SRGAP3: variants seen among roughly 807,000 people sequenced by gnomAD.
SRGAP3 encodes the protein SLIT-ROBO Rho GTPase-activating protein 3.
Under a neutral mutation model 121.1 loss-of-function variants are expected in SRGAP3, and 39 were observed. That is an observed-to-expected ratio of 0.32 (90% CI 0.25 to 0.42). The LOEUF is 0.42. Among genes scored for constraint, SRGAP3 ranks in the 10% least tolerant of loss-of-function variants. The probability of loss-of-function intolerance (pLI) is 1.00; values close to 1 mark genes in which losing one functional copy is unlikely to be tolerated. For missense variants in SRGAP3, 1,213 were observed against 1,470.6 expected (o/e 0.82, Z 2.86); for synonymous variants, 601 against 570.0 (o/e 1.05, Z -0.77).
chr3:9,049,414 T>C lies in SRGAP3; in HGVS notation c.1324-1939A>G, dbSNP rs1166906665. ...ACTTGACAGTTTTCACACACGTACGTTTAAGCCTCATCAGAGTCTTGGATG... is the reference window on the plus strand; with the variant it reads ...ACTTGACAGTTTTCACACACGTACGCTTAAGCCTCATCAGAGTCTTGGATG... On this transcript the variant is annotated intron_variant, in intron 9 of 21. Coordinates refer to ENST00000383836, the MANE Select transcript of SRGAP3 (RefSeq NM_014850.4). The C allele has an allele frequency of 2.2e-5, 10 of 455,990 alleles. 1 individual carries two copies. The Admixed American group carries it at 2.3e-4, about 11-fold the overall frequency. 28.2% of individuals were successfully genotyped at this position (455,990 alleles called of 1,614,324 possible).
At position 9,318,661 on chromosome 3, in the gene SRGAP3, C is replaced by T. The variant is rs535208405; in HGVS notation, n.442+7349G>A. ...AGGCTGAGGCAGAGGATCACTTGAG[C>T]CCAGGAGTTTAAGACAAGCCTCAGT... On this transcript the variant is annotated intron_variant and non_coding_transcript_variant, in intron 3 of 3. Coordinates refer to the SRGAP3 transcript ENST00000490889. Among the ~76,000 whole-genome samples the T allele has an allele frequency of 8.8e-4, 133 of 151,114 alleles. 2 individuals are homozygous for T. The highest frequency in any genetic ancestry group is 1.7e-3 in the Non-Finnish European group (113 of 67,764).
At chr3:9,028,043 C>T in intron 12 of SRGAP3, 2 of 1,605,656 alleles carry the variant, frequency 1.2e-6, no homozygotes, top group Non-Finnish European at 1.7e-6. Context: ...TGGAAGTCAG[C>T]ACTAAAGACA....
At chr3:9,031,170 C>T (rs1019444279) in intron 12 of SRGAP3, among the ~76,000 whole-genome samples, 1 of 152,174 alleles carries the variant, frequency 6.6e-6, no homozygotes, top group Non-Finnish European at 1.5e-5. Context: ...TCACCTTCCA[C>T]TTTCTGCCTT....
intron 3 of SRGAP3, among the ~76,000 whole-genome samples, chr3:9,299,880 G>GGT (rs1955020837): frequency 6.6e-6 from 1 of 152,012 alleles, no homozygotes; most frequent in Non-Finnish European, 1.5e-5. Context: ...ACTCTAGCCT[G>GGT]GGCGACAGAG....
intron 14 of SRGAP3, among the ~76,000 whole-genome samples, chr3:9,024,903 C>G (rs487269): frequency 0.94 from 142,911 of 152,318 alleles, 67,162 homozygotes; most frequent in East Asian, 1. Flanking sequence ...CCTGGAGAAA[C>G]CACCCAAAAG....
At chr3:9,339,910 G>A (rs1178020733) in intron 1 of SRGAP3, among the ~76,000 whole-genome samples, 1 of 152,150 alleles carries the variant, frequency 6.6e-6, no homozygotes, top group African/African-American at 2.4e-5. Flanking sequence ...CTCTCTTCAT[G>A]CTCTGCTGAA....
chr3:9,131,869 C>T (rs561204810), intron 1 of SRGAP3, among the ~76,000 whole-genome samples: 1 of 152,232 alleles, frequency 6.6e-6, no homozygotes, highest in South Asian at 2.1e-4. Flanking sequence ...CATTCAAAGT[C>T]CAAGAATGCA....
chr3:9,266,873 G>A (rs143878960), intron 3 of SRGAP3, among the ~76,000 whole-genome samples: 12 of 152,170 alleles, frequency 7.9e-5, no homozygotes, highest in Non-Finnish European at 1.0e-4. Context: ...GTGGAAGTGA[G>A]TGGCTTGGCC....
At chr3:9,160,001 A>G (rs1950554945) in intron 1 of SRGAP3, among the ~76,000 whole-genome samples, 1 of 152,162 alleles carries the variant, frequency 6.6e-6, no homozygotes, top group Non-Finnish European at 1.5e-5. Context: ...CCAAAAAACT[A>G]TTCAAGGCCC....
chr3:9,331,766 A>C (rs1955611240), intron 1 of SRGAP3, among the ~76,000 whole-genome samples: 2 of 152,154 alleles, frequency 1.3e-5, no homozygotes, highest in African/African-American at 4.8e-5. Context: ...CCATGGTGTA[A>C]ACAAGCCTAA....
chr3:9,043,116 G>C (rs1945099941), intron 10 of SRGAP3, among the ~76,000 whole-genome samples: 1 of 152,092 alleles, frequency 6.6e-6, no homozygotes, highest in South Asian at 2.1e-4. Flanking sequence ...TCAGCCCAAA[G>C]TTTTCATTCA....
chr3:9,205,662 G>A (rs1235933373), intron 1 of SRGAP3, among the ~76,000 whole-genome samples: 5 of 152,202 alleles, frequency 3.3e-5, no homozygotes, highest in Non-Finnish European at 7.3e-5. Flanking sequence ...TATGGCAAAA[G>A]TAAGTCCAGT....
chr3:9,182,175 C>CAAAAAAAAA lies in SRGAP3; in HGVS notation c.68-57267_68-57259dup, dbSNP rs34305216. ...TGGATGACAGAGCAAGACTCTGTCT[C>CAAAAAAAAA]AAAAAAAAAAAAAAAAAAAAAAAAA... On this transcript the variant is annotated intron_variant, in intron 1 of 21. Coordinates refer to ENST00000383836, the MANE Select transcript of SRGAP3 (RefSeq NM_014850.4). 1.2e-3 allele frequency among the ~76,000 whole-genome samples: 43 copies of CAAAAAAAAA among 37,278 alleles called. 1 individual carries two copies. The highest frequency in any genetic ancestry group is 2.2e-3 in the East Asian group (2 of 896). The allele number at this position is 37,278 out of a possible 152,430, so 24.5% of individuals were successfully genotyped here.
At chr3:9,261,876 T>TAAAAAAA in intron 3 of SRGAP3, among the ~76,000 whole-genome samples, 1 of 120,876 alleles carries the variant, frequency 8.3e-6, no homozygotes, top group Non-Finnish European at 1.7e-5. Flanking sequence ...CTCATATATT[T>TAAAAAAA]AAAAAAAAAA....
At chr3:9,146,093 G>A (rs1170038635) in intron 1 of SRGAP3, among the ~76,000 whole-genome samples, 5 of 152,176 alleles carry the variant, frequency 3.3e-5, no homozygotes, top group Admixed American at 6.5e-5. Context: ...CAAGTGAATC[G>A]GTAGAAGAGA....
At chr3:9,135,281 C>T (rs1234004387) in intron 1 of SRGAP3, among the ~76,000 whole-genome samples, 2 of 152,316 alleles carry the variant, frequency 1.3e-5, no homozygotes, top group South Asian at 2.1e-4. Context: ...TTCTCATCTC[C>T]TTAAATGGAA....
chr3:9,344,067 C>T (rs1467224838), intron 1 of SRGAP3, among the ~76,000 whole-genome samples: 1 of 152,216 alleles, frequency 6.6e-6, no homozygotes, highest in Non-Finnish European at 1.5e-5. Context: ...CACCTGTAAT[C>T]CCAGCACTTT....
chr3:9,077,358 G>A (rs1947021463), intron 4 of SRGAP3, among the ~76,000 whole-genome samples: 2 of 152,144 alleles, frequency 1.3e-5, no homozygotes, highest in Admixed American at 6.5e-5. Flanking sequence ...CCCACAGCAT[G>A]TGGCCCCAAA....
At chr3:9,164,595 C>T (rs1311333693) in intron 1 of SRGAP3, among the ~76,000 whole-genome samples, 1 of 152,108 alleles carries the variant, frequency 6.6e-6, no homozygotes, top group Non-Finnish European at 1.5e-5. Flanking sequence ...CAGCCCCACC[C>T]AGACTATTTT....
Sources: allele counts gnomAD v4.1 joint callset (sites outside exome capture counted in the v4.1 genomes callset), GRCh38; gene constraint gnomAD v4.1.1; transcripts MANE v1.5; gene names NCBI Gene and HGNC (gene_info 2026-07-23, HGNC 2026-07-21).